The following RBPJ variants were observed in gnomAD, a reference collection of about 807,000 sequenced individuals.
RBPJ encodes the protein recombining binding protein suppressor of hairless.
A neutral mutation model predicts 67.8 loss-of-function variants in RBPJ; 9 were observed. The observed-to-expected ratio is 0.13, with a 90% confidence interval of 0.08 to 0.23. The LOEUF is 0.23. Ranked by LOEUF, RBPJ falls within the 10% of genes least tolerant of loss-of-function variation. The pLI, the probability that RBPJ is intolerant of heterozygous loss-of-function variation, is 1.00. For synonymous variants in RBPJ, 198 were observed against 203.3 expected, an observed-to-expected ratio of 0.97 and a Z score of 0.22; for missense variants, 305 against 595.6, an observed-to-expected ratio of 0.51 and a Z score of 5.08.
intron 1 of RBPJ, among the ~76,000 whole-genome samples, chr4:26,343,590 T>C (rs1725787513): frequency 6.6e-6 from 1 of 151,670 alleles, no homozygotes; most frequent in African/African-American, 2.4e-5. Flanking sequence ...CGCTGTTGCC[T>C]AGGCTGGAGT....
chr4:26,291,602 A>G lies in RBPJ; in HGVS notation c.-166-70844A>G, dbSNP rs112438542. On this transcript the variant is annotated intron_variant, in intron 1 of 4. Transcript: ENST00000512351. ...TGACTTTTTTTTTTTTTTGAGATGG[A>G]GTCTCGCTCTGTCGCCCAGGCCAGA... Among the ~76,000 whole-genome samples the G allele has an allele frequency of 7.7e-3, 1,152 of 148,736 alleles. 57 individuals are homozygous for G. The highest frequency in any genetic ancestry group is 0.027 in the African/African-American group (1,093 of 40,308).
At chr4:26,218,005 T>C (rs1047105548) in intron 1 of RBPJ, among the ~76,000 whole-genome samples, 8 of 152,200 alleles carry the variant, frequency 5.3e-5, no homozygotes, top group Non-Finnish European at 1.2e-4. Flanking sequence ...ATTTCCACCT[T>C]ATTAAAATGC....
chr4:26,221,247 C>T (rs1208614217), intron 1 of RBPJ, among the ~76,000 whole-genome samples: 2 of 152,086 alleles, frequency 1.3e-5, no homozygotes, highest in Non-Finnish European at 2.9e-5. Context: ...CCCGCCACCA[C>T]GCCCGGCTAA....
intron 1 of RBPJ, among the ~76,000 whole-genome samples, chr4:26,309,052 G>A (rs1370160247): frequency 1.5e-5 from 1 of 67,750 alleles, no homozygotes; most frequent in Non-Finnish European, 3.0e-5. Flanking sequence ...TTTTTTTTTT[G>A]AGACAGAGTC....
chr4:26,308,415 C>A (rs894076285), intron 1 of RBPJ, among the ~76,000 whole-genome samples: 5 of 151,998 alleles, frequency 3.3e-5, no homozygotes, highest in African/African-American at 1.2e-4. Context: ...TTAGAAATTA[C>A]CTTAAGAGAC....
intron 1 of RBPJ, among the ~76,000 whole-genome samples, chr4:26,191,198 T>TAG (rs1717510833): frequency 6.9e-5 from 2 of 28,978 alleles, no homozygotes; most frequent in African/African-American, 1.1e-4. Flanking sequence ...TATATATATA[T>TAG]ATATATATAT....
chr4:26,342,726 A>G lies in RBPJ; in HGVS notation c.20+21678A>G, dbSNP rs116348749. On this transcript the variant is annotated intron_variant, in intron 1 of 10. Coordinates refer to ENST00000355476, the MANE Select transcript of RBPJ (RefSeq NM_015874.6). The stretch of plus-strand genomic sequence containing the variant: ...CAATTTTGGAAGAAGGGTTTGTGCA[A>G]AAAACACAGGTTGCTAGTCATGAAA... Among the ~76,000 whole-genome samples the G allele has an allele frequency of 2.5e-3, 377 of 152,342 alleles. 1 individual carries two copies. The highest frequency in any genetic ancestry group is 8.5e-3 in the African/African-American group (355 of 41,592).
intron 1 of RBPJ, among the ~76,000 whole-genome samples, chr4:26,374,889 T>C (rs1729546179): frequency 6.6e-6 from 1 of 152,174 alleles, no homozygotes; most frequent in Non-Finnish European, 1.5e-5. Context: ...TGGAAAATCA[T>C]GAACATTATA....
At chr4:26,164,913 G>A (rs1176603728) in intron 1 of RBPJ, among the ~76,000 whole-genome samples, 1 of 152,170 alleles carries the variant, frequency 6.6e-6, no homozygotes, top group African/African-American at 2.4e-5. Context: ...GGGAAGCTCA[G>A]AAAGGATTTA....
At chr4:26,402,014 G>A (rs917389971) in intron 2 of RBPJ, among the ~76,000 whole-genome samples, 8 of 150,294 alleles carry the variant, frequency 5.3e-5, no homozygotes, top group African/African-American at 7.4e-5. Flanking sequence ...TCAGCCTCCC[G>A]AGTAGCTGGG....
At chr4:26,287,890 A>G (rs73245752) in intron 1 of RBPJ, among the ~76,000 whole-genome samples, 14,010 of 152,130 alleles carry the variant, frequency 0.092, 890 homozygotes, top group Middle Eastern at 0.2. Context: ...TTTGTCATTT[A>G]TTTAAATGTC....
At chr4:26,344,311 T>G (rs1400025753) in intron 1 of RBPJ, among the ~76,000 whole-genome samples, 1 of 152,214 alleles carries the variant, frequency 6.6e-6, no homozygotes. Flanking sequence ...TTCGGCTCAC[T>G]GCAAGCTCTG....
At chr4:26,252,079 A>G (rs1289870725) in intron 1 of RBPJ, among the ~76,000 whole-genome samples, 3 of 144,822 alleles carry the variant, frequency 2.1e-5, no homozygotes, top group African/African-American at 5.4e-5. Flanking sequence ...AGTTTTAACT[A>G]GTTTTTTTTT....
chr4:26,115,619 C>G, the RBPJ span, among the ~76,000 whole-genome samples: 1 of 152,170 alleles, frequency 6.6e-6, no homozygotes, highest in Non-Finnish European at 1.5e-5. Flanking sequence ...TTCCTGACTT[C>G]ATGATCCACC....
At chr4:26,253,684 G>A (rs1310765582) in intron 1 of RBPJ, among the ~76,000 whole-genome samples, 1 of 148,024 alleles carries the variant, frequency 6.8e-6, no homozygotes, top group Non-Finnish European at 1.5e-5. Flanking sequence ...TACCGGTCAT[G>A]ATAAAATCAT....
intron 1 of RBPJ, among the ~76,000 whole-genome samples, chr4:26,295,422 G>A (rs998960664): frequency 6.6e-6 from 1 of 152,160 alleles, no homozygotes; most frequent in Non-Finnish European, 1.5e-5. Context: ...AGTAGTAGTA[G>A]TGGACATATT....
At chr4:26,350,922 G>C (rs996841226) in intron 1 of RBPJ, among the ~76,000 whole-genome samples, 8 of 152,166 alleles carry the variant, frequency 5.3e-5, no homozygotes, top group African/African-American at 1.9e-4. Flanking sequence ...ACAAATCTCA[G>C]GTTAGCCAAT....
chr4:26,168,423 A>G (rs926824462), intron 1 of RBPJ, among the ~76,000 whole-genome samples: 2 of 152,030 alleles, frequency 1.3e-5, no homozygotes, highest in Admixed American at 6.6e-5. Context: ...TGGCTTGTAG[A>G]GTTTCTGCTG....
chr4:26,260,472 C>G (rs1032973547), intron 1 of RBPJ, among the ~76,000 whole-genome samples: 3 of 151,968 alleles, frequency 2.0e-5, no homozygotes, highest in African/African-American at 7.3e-5. Context: ...CTCTTACTTG[C>G]TGAATCTATA....
Sources: allele counts gnomAD v4.1 joint callset (sites outside exome capture counted in the v4.1 genomes callset), GRCh38; gene constraint gnomAD v4.1.1; transcripts MANE v1.5; gene names NCBI Gene and HGNC (gene_info 2026-07-23, HGNC 2026-07-21).